Variants in TIAM1 observed in about 807,000 individuals in gnomAD.
TIAM1 encodes rho guanine nucleotide exchange factor TIAM1.
Under a neutral mutation model 163.5 loss-of-function variants are expected in TIAM1, and 65 were observed. That is an observed-to-expected ratio of 0.40 (90% confidence interval 0.33 to 0.49). The LOEUF is 0.49. Among genes scored for constraint, TIAM1 ranks in the 20% least tolerant of loss-of-function variants. TIAM1 has a pLI of 0.77. For missense variants in TIAM1, 1,789 were observed against 2,044.7 expected, an observed-to-expected ratio of 0.87 and a Z score of 2.41; for synonymous variants, 833 against 810.1, an observed-to-expected ratio of 1.03 and a Z score of -0.48.
chr21:31,127,235 G>T, intron 25 of TIAM1, 83 bp from the exon 26 acceptor site: 2 of 1,252,614 alleles, frequency 1.6e-6, no homozygotes, highest in Non-Finnish European at 1.2e-6. Context: ...TTTCAGCTGT[G>T]ATAGAGGATT....
At chr21:31,288,704 T>A (rs907309255) in intron 2 of TIAM1, among the ~76,000 whole-genome samples, 12 of 152,172 alleles carry the variant, frequency 7.9e-5, no homozygotes, top group African/African-American at 2.9e-4. Context: ...TGCAGATTTA[T>A]GGAACTTAAA....
At chr21:31,248,573 C>A (rs927718310) in intron 5 of TIAM1, among the ~76,000 whole-genome samples, 4 of 152,102 alleles carry the variant, frequency 2.6e-5, no homozygotes, top group African/African-American at 4.8e-5. Context: ...TTAAAAAAAT[C>A]AATTACTTTG....
intron 2 of TIAM1, among the ~76,000 whole-genome samples, chr21:31,459,685 G>C (rs900861158): frequency 6.6e-6 from 1 of 152,194 alleles, no homozygotes; most frequent in African/African-American, 2.4e-5. Flanking sequence ...CTGGGACTCT[G>C]GGATTTTACC....
intron 1 of TIAM1, among the ~76,000 whole-genome samples, chr21:31,553,654 A>C (rs2048770083): frequency 1.3e-5 from 2 of 152,148 alleles, no homozygotes; most frequent in African/African-American, 4.8e-5. Context: ...GATCTGAAGA[A>C]GCCCTGGAAG....
intron 1 of TIAM1, among the ~76,000 whole-genome samples, chr21:31,488,707 A>G (rs1206111413): frequency 2.0e-5 from 3 of 151,846 alleles, no homozygotes; most frequent in African/African-American, 4.9e-5. Context: ...CCAGAACAGT[A>G]TGAGGGAAAC....
chr21:31,226,210 T>A (rs2087962598), intron 6 of TIAM1, among the ~76,000 whole-genome samples: 1 of 152,192 alleles, frequency 6.6e-6, no homozygotes, highest in Non-Finnish European at 1.5e-5. Flanking sequence ...TCAATGTACT[T>A]ACTGAACTCA....
At chr21:31,546,242 G>GA (rs34553938) in intron 1 of TIAM1, among the ~76,000 whole-genome samples, 42,485 of 148,854 alleles carry the variant, frequency 0.29, 6,201 homozygotes, top group Middle Eastern at 0.43. Context: ...CAGGTAGAAG[G>GA]AAAAAAAAAT....
At chr21:31,339,825 T>A (rs2147092653) in intron 1 of TIAM1, among the ~76,000 whole-genome samples, 1 of 152,262 alleles carries the variant, frequency 6.6e-6, no homozygotes, top group African/African-American at 2.4e-5. Context: ...CCTAAAAGTG[T>A]TACCAATGAA....
At chr21:31,317,385 G>A (rs1308859744) in intron 2 of TIAM1, among the ~76,000 whole-genome samples, 2 of 152,204 alleles carry the variant, frequency 1.3e-5, no homozygotes, top group Non-Finnish European at 2.9e-5. Flanking sequence ...CTCGGGAGGC[G>A]GAGGTTGTGG....
intron 2 of TIAM1, among the ~76,000 whole-genome samples, chr21:31,290,476 A>T (rs549366409): frequency 2.0e-5 from 3 of 151,890 alleles, no homozygotes; most frequent in African/African-American, 7.2e-5. Flanking sequence ...TCTACTAAAA[A>T]AAAGAAAAAA....
chr21:31,335,133 G>C lies in TIAM1; in HGVS notation c.-189+4110C>G, dbSNP rs532161494. Reference sequence around the variant, plus strand: ...ACAAAACAAAAACAGTGAAAGAAGAGTCCTCTGTCTAACCAGAGAGGTTCC... The same window carrying C: ...ACAAAACAAAAACAGTGAAAGAAGACTCCTCTGTCTAACCAGAGAGGTTCC... On this transcript the variant is annotated intron_variant, in intron 2 of 27. Transcript: ENST00000541036. Among the ~76,000 whole-genome samples, 14 of 152,022 alleles carry C rather than the reference G, an allele frequency of 9.2e-5. No individual in the cohort carries two copies. In the East Asian group the frequency reaches 2.7e-3, roughly 29 times the overall value.
At chr21:31,153,714 T>TAA (rs1226736473) in intron 17 of TIAM1, among the ~76,000 whole-genome samples, 1 of 73,124 alleles carries the variant, frequency 1.4e-5, no homozygotes, top group East Asian at 2.7e-4. Context: ...AACACATACA[T>TAA]ATATATATAT....
rs1234436113 is a variant in TIAM1 at position 31,373,979 on chromosome 21, A to G, written c.-368-34557T>C. On this transcript the variant is annotated intron_variant, in intron 2 of 28. Transcript: ENST00000286827. ...CTCTTCTCACTCAAGCACAGCCCCA[A>G]CCAAGGTCACCAGAAGCCCCACCCC... 3.9e-5 allele frequency among the ~76,000 whole-genome samples: 6 copies of G among 152,096 alleles called. No individual in the cohort carries two copies. The East Asian group carries it at 1.2e-3, about 29-fold the overall frequency.
intron 2 of TIAM1, among the ~76,000 whole-genome samples, chr21:31,407,567 G>A (rs1256529215): frequency 6.6e-6 from 1 of 151,952 alleles, no homozygotes; most frequent in African/African-American, 2.4e-5. Flanking sequence ...ATCGGGAGCA[G>A]GCTCCAGTTC....
chr21:31,164,252 T>C lies in TIAM1; in HGVS notation c.2991+710A>G, dbSNP rs539439434. Among the ~76,000 whole-genome samples, 25 of 152,136 alleles carry C rather than the reference T, an allele frequency of 1.6e-4. No homozygotes were observed. The South Asian group carries it at 5.0e-3, about 30-fold the overall frequency. ...AAAAATACAAAAAATTAGCAGGGCG[T>C]GGTGGCGGGTGCCTGTAGTCCTAGC... is the stretch of plus-strand genomic sequence containing the variant. On this transcript the variant is annotated intron_variant, in intron 16 of 27. Coordinates refer to ENST00000541036, the MANE Select transcript of TIAM1 (RefSeq NM_001353694.2).
chr21:31,126,070 G>T (rs1458157837), intron 26 of TIAM1, among the ~76,000 whole-genome samples: 1 of 152,110 alleles, frequency 6.6e-6, no homozygotes, highest in African/African-American at 2.4e-5. Context: ...CTAATACCTT[G>T]GTCTGACTAA....
chr21:31,420,395 T>C (rs553907668), intron 2 of TIAM1, among the ~76,000 whole-genome samples: 2 of 152,286 alleles, frequency 1.3e-5, no homozygotes, highest in South Asian at 4.1e-4. Flanking sequence ...TCCACAGAAA[T>C]TCCAGGAACT....
At chr21:31,189,974 A>G (rs1568996237) in intron 13 of TIAM1, among the ~76,000 whole-genome samples, 1 of 152,178 alleles carries the variant, frequency 6.6e-6, no homozygotes, top group African/African-American at 2.4e-5. Flanking sequence ...GATTGCCAAC[A>G]GGGGGCAGAG....
intron 12 of TIAM1, among the ~76,000 whole-genome samples, chr21:31,197,988 CA>C (rs1360144930): frequency 6.6e-6 from 1 of 152,126 alleles, no homozygotes. Flanking sequence ...GTCAAAGGTT[CA>C]AATCCAAAAT....
Sources: gnomAD v4.1 joint callset for allele counts (sites outside exome capture counted in the v4.1 genomes callset) on GRCh38, gnomAD v4.1.1 for gene constraint, MANE v1.5 for transcripts, NCBI Gene and HGNC (gene_info 2026-07-23, HGNC 2026-07-21) for gene names.